CDH4: variants seen among roughly 807,000 people sequenced by gnomAD.
CDH4 encodes the protein cadherin-4.
In CDH4, 33 loss-of-function variants were observed where a neutral mutation model predicts 86.0. The ratio of observed to expected loss-of-function variants is 0.38; its 90% CI spans 0.29 to 0.51. The LOEUF is 0.51. Ranked by LOEUF, CDH4 falls within the 20% of genes least tolerant of loss-of-function variation. The pLI is 0.86. For synonymous variants in CDH4, 555 were observed against 549.4 expected (o/e 1.01, Z -0.14); for missense variants, 1,114 against 1,307.4 (o/e 0.85, Z 2.28).
At chr20:61,321,480 A>G (rs1290119215) in intron 2 of CDH4, among the ~76,000 whole-genome samples, 1 of 151,918 alleles carries the variant, frequency 6.6e-6, no homozygotes, top group Non-Finnish European at 1.5e-5. Flanking sequence ...AACATTTCAC[A>G]TTGTGTGTGT....
chr20:61,775,360 T>C lies in CDH4; in HGVS notation c.576+2178T>C, dbSNP rs1361072864. Among the ~76,000 whole-genome samples, 8 of 152,098 alleles carry C rather than the reference T, an allele frequency of 5.3e-5. No individual in the cohort carries two copies. In the East Asian group the frequency reaches 9.7e-4, roughly 18 times the overall value. ...GCTTCCATCATGCTCTTCCACCTTA[T>C]TTAATGCCTTGTGCTTCTGCCACCC... is the stretch of plus-strand genomic sequence containing the variant. On this transcript the variant is annotated intron_variant, in intron 4 of 15. Coordinates refer to ENST00000614565, the MANE Select transcript of CDH4 (RefSeq NM_001794.5).
chr20:61,549,997 C>T (rs1328397093), intron 2 of CDH4, among the ~76,000 whole-genome samples: 5 of 152,192 alleles, frequency 3.3e-5, no homozygotes, highest in African/African-American at 4.8e-5. Flanking sequence ...CCATCCTCCC[C>T]GGGACTCACT....
At chr20:61,664,478 A>T (rs2087299828) in intron 2 of CDH4, among the ~76,000 whole-genome samples, 1 of 152,150 alleles carries the variant, frequency 6.6e-6, no homozygotes, top group Non-Finnish European at 1.5e-5. Context: ...TTCCTTGAAG[A>T]TCTCCGAAAA....
chr20:61,556,021 C>G (rs2086174743), intron 2 of CDH4, among the ~76,000 whole-genome samples: 1 of 152,180 alleles, frequency 6.6e-6, no homozygotes, highest in African/African-American at 2.4e-5. Context: ...GCCGCCCTCT[C>G]TCTGCTCCGG....
intron 2 of CDH4, among the ~76,000 whole-genome samples, chr20:61,530,613 G>A (rs1046219502): frequency 2.0e-5 from 3 of 152,154 alleles, no homozygotes; most frequent in East Asian, 1.9e-4. Context: ...AAGGAGAGTC[G>A]CAGAGGCCCT....
chr20:61,544,465 G>A lies in CDH4; in HGVS notation c.170-199098G>A, dbSNP rs1039204225. 6.6e-6 allele frequency among the ~76,000 whole-genome samples: 1 copy of A among 151,898 alleles called. No homozygotes were observed. The highest frequency in any genetic ancestry group is 2.0e-4 in the East Asian group (1 of 5,122). ...CTGTGGTGGGAGCGCAGTGGGAGCCGCAGGGCATCGGGGTCTTCGAAGGAA... is the reference window on the plus strand; with the variant it reads ...CTGTGGTGGGAGCGCAGTGGGAGCCACAGGGCATCGGGGTCTTCGAAGGAA... On this transcript the variant is annotated intron_variant, in intron 2 of 15. Transcript: ENST00000614565. The surrounding 1 kb of genome is among the most constrained non-coding windows in gnomAD (Gnocchi z 6.5).
Position 61,829,732 on chromosome 20 carries a change from C to G in CDH4, c.577-14936C>G, listed in dbSNP as rs531329496. Among the ~76,000 whole-genome samples the G allele has an allele frequency of 5.9e-5, 9 of 152,268 alleles. No homozygotes were observed. The highest frequency in any genetic ancestry group is 2.2e-4 in the African/African-American group (9 of 41,558). On this transcript the variant is annotated intron_variant, in intron 4 of 15. Transcript: ENST00000614565. This position sits in a 1 kb window ranked among gnomAD's most constrained non-coding sequence, Gnocchi z 4.2. ...TGTGCCGACGCCCGTGGGCTGCAGA[C>G]GGGTGGGTGACTGTGGGACCCTTGC...
intron 2 of CDH4, among the ~76,000 whole-genome samples, chr20:61,470,148 G>T (rs2085494350): frequency 6.6e-6 from 1 of 152,160 alleles, no homozygotes; most frequent in African/African-American, 2.4e-5. Flanking sequence ...GATTGCTTTG[G>T]AAAGTATGGA....
rs561410767 is a variant in CDH4 at position 61,273,691 on chromosome 20, A to T, written c.169+18754A>T. On this transcript the variant is annotated intron_variant, in intron 2 of 15. Coordinates refer to ENST00000614565, the MANE Select transcript of CDH4 (RefSeq NM_001794.5). ...GGCAGTACTGTGTGCAGTTTGGGGGAGTACCATGTGCAGTTTGGGTAAGTA... is the reference window on the plus strand; with the variant it reads ...GGCAGTACTGTGTGCAGTTTGGGGGTGTACCATGTGCAGTTTGGGTAAGTA... 6.1e-5 allele frequency among the ~76,000 whole-genome samples: 9 copies of T among 147,682 alleles called. No individual in the cohort carries two copies. In the South Asian group the frequency reaches 1.9e-3, roughly 32 times the overall value.
intron 4 of CDH4, among the ~76,000 whole-genome samples, chr20:61,793,085 C>A (rs537471144): frequency 6.6e-6 from 1 of 152,318 alleles, no homozygotes; most frequent in African/African-American, 2.4e-5. Flanking sequence ...GCCTCAGCCT[C>A]CAGAGTAACT....
At chr20:61,876,461 G>A (rs925769256) in intron 7 of CDH4, among the ~76,000 whole-genome samples, 12 of 152,194 alleles carry the variant, frequency 7.9e-5, no homozygotes, top group African/African-American at 1.4e-4. Context: ...CTGAGCGACC[G>A]GAGAACTGGG....
In CDH4 at chr20:61,877,899, G is replaced by A. The variant is rs192273192; in HGVS notation, c.1050+3999G>A. Among the ~76,000 whole-genome samples, 76 of 152,250 alleles carry A rather than the reference G, an allele frequency of 5.0e-4. 2 individuals are homozygous for A. Among genetic ancestry groups the A allele is most frequent in the Middle Eastern group, 3.4e-3 (1 of 294 alleles). On this transcript the variant is annotated intron_variant, in intron 7 of 15. Transcript: ENST00000614565. ...CCTGGGGTCCATTGTGTGACAACGC[G>A]TCTTTGGCTGGGAGGACCCCCAGGC...
intron 2 of CDH4, among the ~76,000 whole-genome samples, chr20:61,332,448 G>T (rs2084587794): frequency 6.6e-6 from 1 of 152,220 alleles, no homozygotes; most frequent in African/African-American, 2.4e-5. Context: ...AGGCCCACAG[G>T]AGGACCTCTC....
intron 3 of CDH4, among the ~76,000 whole-genome samples, chr20:61,762,942 C>G (rs2088654330): frequency 6.6e-6 from 1 of 152,222 alleles, no homozygotes; most frequent in Admixed American, 6.5e-5. Flanking sequence ...CATGTCCCAG[C>G]AGAAACTGAT....
chr20:61,377,720 C>A lies in CDH4; in HGVS notation c.169+122783C>A, dbSNP rs969486459. On this transcript the variant is annotated intron_variant, in intron 2 of 15. Transcript: ENST00000614565. The surrounding 1 kb of genome is among the most constrained non-coding windows in gnomAD (Gnocchi z 4.0). ...TGTTAATGTGCCATAACCACTGGCT[C>A]CAAGCAATTCTTCAGTGCTGTGTAA... is the stretch of plus-strand genomic sequence containing the variant. Among the ~76,000 whole-genome samples, 1 of 152,300 alleles carries A rather than the reference C, an allele frequency of 6.6e-6. No individual in the cohort carries two copies. Among genetic ancestry groups the A allele is most frequent in the Admixed American group, 6.5e-5 (1 of 15,294 alleles).
chr20:61,751,853 A>C lies in CDH4; in HGVS notation c.396+8064A>C, dbSNP rs546944228. On this transcript the variant is annotated intron_variant, in intron 3 of 15. Coordinates refer to ENST00000614565, the MANE Select transcript of CDH4 (RefSeq NM_001794.5). ...CTGGGCCAATGGGGCATCTTTAAGA[A>C]AAAAGTAAAATGACCCCTACCTCAC... 2.0e-5 allele frequency among the ~76,000 whole-genome samples: 3 copies of C among 152,338 alleles called. No homozygotes were observed. The South Asian group carries it at 6.2e-4, about 32-fold the overall frequency.
chr20:61,309,103 G>A (rs2084432127), intron 2 of CDH4, among the ~76,000 whole-genome samples: 1 of 152,266 alleles, frequency 6.6e-6, no homozygotes, highest in South Asian at 2.1e-4. Flanking sequence ...GCAGAGCATG[G>A]AGCCAAGCAC....
intron 3 of CDH4, among the ~76,000 whole-genome samples, chr20:61,755,692 G>A (rs1210903648): frequency 2.0e-5 from 3 of 149,388 alleles, no homozygotes; most frequent in South Asian, 4.3e-4. Context: ...ACCACACACA[G>A]TACATTTTAT....
At chr20:61,502,586 T>C (rs1485352857) in intron 2 of CDH4, among the ~76,000 whole-genome samples, 3 of 152,216 alleles carry the variant, frequency 2.0e-5, no homozygotes, top group African/African-American at 7.2e-5. Flanking sequence ...TCCTGAGTCA[T>C]ATGTGGAAAA....
Sources: gnomAD v4.1 joint callset for allele counts (sites outside exome capture counted in the v4.1 genomes callset) on GRCh38, gnomAD v4.1.1 for gene constraint, Gnocchi (gnomAD v3.1) non-coding constraint, MANE v1.5 for transcripts, NCBI Gene and HGNC (gene_info 2026-07-23, HGNC 2026-07-21) for gene names.